The following CACNA2D2 variants were observed in gnomAD, a reference collection of about 807,000 sequenced individuals.
CACNA2D2 encodes voltage-dependent calcium channel subunit alpha-2/delta-2.
CACNA2D2 carries 48 observed loss-of-function variants against 166.4 expected under a neutral mutation model. That is an observed-to-expected ratio of 0.29 (90% CI 0.23 to 0.37). The LOEUF (loss-of-function observed/expected upper bound fraction) is 0.37. Among genes scored for constraint, CACNA2D2 ranks in the 10% least tolerant of loss-of-function variants. CACNA2D2 has a pLI of 1.00. For synonymous variants in CACNA2D2, 561 were observed against 573.7 expected (o/e 0.98, Z 0.32); for missense variants, 1,122 against 1,433.0 (o/e 0.78, Z 3.50).
intron 3 of CACNA2D2, among the ~76,000 whole-genome samples, chr3:50,401,412 T>A (rs904516627): frequency 6.6e-6 from 1 of 152,158 alleles, no homozygotes; most frequent in African/African-American, 2.4e-5. Context: ...AATCAGTGCC[T>A]GCACCCCCTC....
chr3:50,462,418 AATAATAATAATAATG>A (rs1410929712), intron 2 of CACNA2D2, among the ~76,000 whole-genome samples: 2 of 147,200 alleles, frequency 1.4e-5, no homozygotes, highest in Non-Finnish European at 3.0e-5. Flanking sequence ...TAATAATAAT[AATAATAATAATAATG>A]ATAATAATAA....
chr3:50,400,309 A>G (rs1706384476), intron 3 of CACNA2D2, among the ~76,000 whole-genome samples: 1 of 152,224 alleles, frequency 6.6e-6, no homozygotes, highest in Non-Finnish European at 1.5e-5. Flanking sequence ...TTCGGCCTTG[A>G]GCAGACATTT....
chr3:50,456,983 C>T (rs1042818322), intron 2 of CACNA2D2, among the ~76,000 whole-genome samples: 4 of 152,204 alleles, frequency 2.6e-5, no homozygotes, highest in African/African-American at 9.6e-5. Flanking sequence ...GGTGTGGAGG[C>T]TCATGCCTAT....
chr3:50,375,778 G>A lies in CACNA2D2; in HGVS notation c.1845+31C>T, dbSNP rs1704942835. The A allele has an allele frequency of 6.2e-7, 1 of 1,612,666 alleles. No individual in the cohort carries two copies. The highest frequency in any genetic ancestry group is 8.5e-7 in the Non-Finnish European group (1 of 1,179,872). Reference sequence around the variant, plus strand: ...GCTGGGGTAGAAGGGTGCCCACCCTGACTCCCTGGCCCCCAGCCCTGCCTC... The same window carrying A: ...GCTGGGGTAGAAGGGTGCCCACCCTAACTCCCTGGCCCCCAGCCCTGCCTC... On this transcript the variant is annotated intron_variant, in intron 20 of 37. Coordinates refer to ENST00000424201, the MANE Select transcript of CACNA2D2 (RefSeq NM_006030.4). This position sits in a 1 kb window ranked among gnomAD's most constrained non-coding sequence, Gnocchi z 4.0.
At chr3:50,498,803 G>A (rs1410634463) in intron 1 of CACNA2D2, among the ~76,000 whole-genome samples, 1 of 152,190 alleles carries the variant, frequency 6.6e-6, no homozygotes, top group Admixed American at 6.5e-5. Context: ...CAGGCTTCAA[G>A]CCCCCCTCCA....
chr3:50,426,209 C>CT (rs1443768303), intron 3 of CACNA2D2, among the ~76,000 whole-genome samples: 12 of 152,254 alleles, frequency 7.9e-5, no homozygotes, highest in African/African-American at 2.9e-4. Flanking sequence ...GTCTCCGACT[C>CT]TGTTTTCTCA....
intron 3 of CACNA2D2, among the ~76,000 whole-genome samples, chr3:50,429,592 CAAAAAAAAAA>C (rs1160685582): frequency 0.01 from 537 of 52,660 alleles, 6 homozygotes; most frequent in African/African-American, 0.029. Context: ...ACTAAAAATA[CAAAAAAAAAA>C]AAAAAAAAAA....
chr3:50,373,534 G>T (rs1704774597), intron 22 of CACNA2D2, among the ~76,000 whole-genome samples: 1 of 109,292 alleles, frequency 9.1e-6, no homozygotes, highest in Non-Finnish European at 1.9e-5. Context: ...AGGGAGGAGG[G>T]GGATGGGGAA....
At chr3:50,502,750 A>C (rs1020420687) in intron 1 of CACNA2D2, among the ~76,000 whole-genome samples, 2 of 152,214 alleles carry the variant, frequency 1.3e-5, no homozygotes, top group Non-Finnish European at 2.9e-5. Context: ...AAGGCCCTTG[A>C]AGGCAGGTGT....
At chr3:50,398,611 A>G (rs1706274757) in intron 3 of CACNA2D2, among the ~76,000 whole-genome samples, 1 of 152,060 alleles carries the variant, frequency 6.6e-6, no homozygotes, top group Admixed American at 6.5e-5. Flanking sequence ...TTAACCTCTC[A>G]GAGTCTATTT....
At chr3:50,371,752 G>C (rs587674909) in intron 22 of CACNA2D2, among the ~76,000 whole-genome samples, 1 of 152,250 alleles carries the variant, frequency 6.6e-6, no homozygotes, top group South Asian at 2.1e-4. Context: ...CGATGGGGAA[G>C]GGGTTGGGGG....
intron 1 of CACNA2D2, among the ~76,000 whole-genome samples, chr3:50,479,665 T>A (rs1697958667): frequency 6.6e-6 from 1 of 152,150 alleles, no homozygotes; most frequent in African/African-American, 2.4e-5. Context: ...GGAATCGTAC[T>A]CACTCCAGCA....
At chr3:50,475,303 G>T (rs879266232) in intron 2 of CACNA2D2, among the ~76,000 whole-genome samples, 22 of 152,092 alleles carry the variant, frequency 1.4e-4, no homozygotes, top group Admixed American at 2.0e-4. Flanking sequence ...ACAGTAGGTT[G>T]GCTTACTCTG....
chr3:50,413,645 G>A (rs532458145), intron 3 of CACNA2D2, among the ~76,000 whole-genome samples: 50 of 152,088 alleles, frequency 3.3e-4, no homozygotes, highest in Non-Finnish European at 6.2e-4. Context: ...CCAGGAGTTC[G>A]AGACCAGACT....
chr3:50,364,538 G>A lies in CACNA2D2; in HGVS notation c.*128C>T, dbSNP rs1704102972. On this transcript the variant is annotated 3_prime_UTR_variant, in exon 38 of 38. Coordinates refer to ENST00000424201, the MANE Select transcript of CACNA2D2 (RefSeq NM_006030.4). ...CCCAAGGCGCAGACCAGACTCTCAG[G>A]GCCTGGCCAGCTCAGGTCCTTCAGT... 1 of 1,185,486 alleles carries A rather than the reference G, an allele frequency of 8.4e-7. No homozygotes were observed. The highest frequency in any genetic ancestry group is 1.6e-5 in the South Asian group (1 of 61,988). 73.4% of individuals were successfully genotyped at this position (1,185,486 alleles called of 1,614,324 possible). A position where few individuals can be genotyped will look rare whatever the true frequency, so the allele number is the denominator to read the frequency against.
chr3:50,472,480 C>G (rs1482530823), intron 2 of CACNA2D2, among the ~76,000 whole-genome samples: 1 of 152,178 alleles, frequency 6.6e-6, no homozygotes, highest in African/African-American at 2.4e-5. Context: ...CTAGCCTCAG[C>G]CCCGACCCCA....
intron 22 of CACNA2D2, among the ~76,000 whole-genome samples, chr3:50,370,864 G>A (rs1247580898): frequency 1.3e-5 from 2 of 152,122 alleles, no homozygotes; most frequent in Non-Finnish European, 2.9e-5. Context: ...TTTTGGCTGC[G>A]GATTTTTCTC....
chr3:50,378,883 A>G, intron 13 of CACNA2D2, 32 bp downstream of exon 13: 1 of 1,611,170 alleles, frequency 6.2e-7, no homozygotes, highest in Non-Finnish European at 8.5e-7. Flanking sequence ...AATGGCAGGC[A>G]GGCCCCTGAC....
intron 2 of CACNA2D2, among the ~76,000 whole-genome samples, chr3:50,444,811 A>T (rs982708420): frequency 1.3e-5 from 2 of 152,208 alleles, no homozygotes; most frequent in African/African-American, 4.8e-5. Flanking sequence ...AGATGAGCCC[A>T]TGTCCTCTCA....
Sources: allele counts gnomAD v4.1 joint callset (sites outside exome capture counted in the v4.1 genomes callset), GRCh38; gene constraint gnomAD v4.1.1; non-coding constraint Gnocchi (gnomAD v3.1); transcripts MANE v1.5; gene names NCBI Gene and HGNC (gene_info 2026-07-23, HGNC 2026-07-21).